The following LSAMP variants were observed in gnomAD, a reference collection of about 807,000 sequenced individuals.
LSAMP encodes the protein limbic system associated membrane protein.
In LSAMP, 7 loss-of-function variants were observed where a neutral mutation model predicts 38.6. The ratio of observed to expected loss-of-function variants is 0.18; its 90% CI spans 0.10 to 0.34. The LOEUF (loss-of-function observed/expected upper bound fraction) is 0.34, where lower values mean the gene tolerates loss of function less well. Among genes scored for constraint, LSAMP ranks in the 10% least tolerant of loss-of-function variants. The probability of loss-of-function intolerance (pLI) is 1.00; values close to 1 mark genes in which losing one functional copy is unlikely to be tolerated. For missense variants in LSAMP, 313 were observed against 420.0 expected (o/e 0.75, Z 2.23); for synonymous variants, 154 against 166.8 (o/e 0.92, Z 0.59).
intron 2 of LSAMP, among the ~76,000 whole-genome samples, chr3:116,061,476 G>A (rs950058108): frequency 1.3e-5 from 2 of 152,032 alleles, no homozygotes; most frequent in Non-Finnish European, 2.9e-5. Flanking sequence ...GGCATGGTAG[G>A]TGGTGGTGGT....
chr3:115,935,287 A>G (rs370774329), intron 3 of LSAMP, among the ~76,000 whole-genome samples: 75 of 152,292 alleles, frequency 4.9e-4, no homozygotes, highest in African/African-American at 1.6e-3. Context: ...CCTGAGGATG[A>G]TGAATGAACT....
intron 1 of LSAMP, among the ~76,000 whole-genome samples, chr3:116,213,183 C>T (rs938316966): frequency 6.6e-6 from 1 of 152,054 alleles, no homozygotes; most frequent in East Asian, 1.9e-4. Context: ...GCAGCTTTAT[C>T]ATTTTGAGTT....
At chr3:115,951,666 C>T (rs974580167) in intron 3 of LSAMP, among the ~76,000 whole-genome samples, 1 of 152,140 alleles carries the variant, frequency 6.6e-6, no homozygotes, top group African/African-American at 2.4e-5. Flanking sequence ...AAAGACTAGA[C>T]TGGTTTAGTC....
intron 3 of LSAMP, among the ~76,000 whole-genome samples, chr3:115,869,893 G>T (rs1935978108): frequency 6.6e-6 from 1 of 151,932 alleles, no homozygotes; most frequent in Admixed American, 6.6e-5. Context: ...TGAGATTGTT[G>T]TTTATTTTTT....
chr3:116,294,887 C>A (rs2047310066), intron 1 of LSAMP, among the ~76,000 whole-genome samples: 1 of 152,162 alleles, frequency 6.6e-6, no homozygotes, highest in African/African-American at 2.4e-5. Flanking sequence ...ACCAACTGAA[C>A]TTACAGCATT....
At chr3:116,152,740 T>C (rs1322966881) in intron 1 of LSAMP, among the ~76,000 whole-genome samples, 1 of 151,962 alleles carries the variant, frequency 6.6e-6, no homozygotes. Flanking sequence ...GTATAAGAAA[T>C]CCAAAGCTCA....
At chr3:115,930,080 C>G (rs1937558050) in intron 3 of LSAMP, among the ~76,000 whole-genome samples, 1 of 117,316 alleles carries the variant, frequency 8.5e-6, no homozygotes, top group Non-Finnish European at 1.6e-5. Flanking sequence ...GAGAATTAGA[C>G]TGGGGAAAGG....
At chr3:116,427,246 G>T (rs1363087301) in intron 1 of LSAMP, among the ~76,000 whole-genome samples, 1 of 149,960 alleles carries the variant, frequency 6.7e-6, no homozygotes, top group African/African-American at 2.4e-5. Flanking sequence ...TCAGCCTCCC[G>T]AGTAGCTGGG....
chr3:116,049,643 C>T (rs1941355649), intron 2 of LSAMP, among the ~76,000 whole-genome samples: 1 of 152,158 alleles, frequency 6.6e-6, no homozygotes, highest in Admixed American at 6.5e-5. Context: ...ATGTATGACG[C>T]TACCCATATG....
At chr3:116,203,491 T>C (rs1356301817) in intron 1 of LSAMP, among the ~76,000 whole-genome samples, 1 of 151,664 alleles carries the variant, frequency 6.6e-6, no homozygotes, top group Non-Finnish European at 1.5e-5. Flanking sequence ...GCTGGTGCGC[T>C]GCACCCACTA....
chr3:116,013,328 A>G (rs1377408984), intron 3 of LSAMP, among the ~76,000 whole-genome samples: 1 of 152,240 alleles, frequency 6.6e-6, no homozygotes, highest in Admixed American at 6.5e-5. Flanking sequence ...GAGGCCAGTA[A>G]TCATGTGGTT....
intron 3 of LSAMP, among the ~76,000 whole-genome samples, chr3:115,957,242 A>C (rs561244609): frequency 6.6e-6 from 1 of 152,354 alleles, no homozygotes; most frequent in Non-Finnish European, 1.5e-5. Context: ...AGCCCCTCTG[A>C]TTATAGATGT....
At chr3:116,337,344 A>C (rs188261744) in intron 1 of LSAMP, among the ~76,000 whole-genome samples, 1 of 152,132 alleles carries the variant, frequency 6.6e-6, no homozygotes, top group Non-Finnish European at 1.5e-5. Flanking sequence ...ACAATAAAAA[A>C]CCTAGGGATA....
chr3:115,893,906 C>T (rs1936664835), intron 3 of LSAMP, among the ~76,000 whole-genome samples: 1 of 151,958 alleles, frequency 6.6e-6, no homozygotes, highest in Non-Finnish European at 1.5e-5. Context: ...AACATGCATA[C>T]TCCGTAGCCA....
At chr3:116,424,578 T>C (rs762867516) in intron 1 of LSAMP, among the ~76,000 whole-genome samples, 4 of 152,166 alleles carry the variant, frequency 2.6e-5, no homozygotes, top group Non-Finnish European at 5.9e-5. Context: ...CAGATAGATA[T>C]GAGGCAGAAA....
At chr3:116,091,831 A>G (rs1046572659) in intron 1 of LSAMP, among the ~76,000 whole-genome samples, 2 of 152,216 alleles carry the variant, frequency 1.3e-5, no homozygotes, top group African/African-American at 4.8e-5. Flanking sequence ...TGCCACGAGG[A>G]GAGGATCAGA....
chr3:116,388,899 A>G (rs1004316045), intron 1 of LSAMP, among the ~76,000 whole-genome samples: 1 of 152,208 alleles, frequency 6.6e-6, no homozygotes, highest in African/African-American at 2.4e-5. Context: ...CAAAAACAAC[A>G]AAAACGACAA....
At chr3:116,044,881 T>C (rs927908570) in intron 2 of LSAMP, among the ~76,000 whole-genome samples, 3 of 152,034 alleles carry the variant, frequency 2.0e-5, no homozygotes, top group African/African-American at 7.3e-5. Flanking sequence ...CCTCCAGCAG[T>C]GGAAGATGCC....
intron 3 of LSAMP, among the ~76,000 whole-genome samples, chr3:115,964,604 A>G (rs1242349477): frequency 6.6e-6 from 1 of 152,156 alleles, no homozygotes; most frequent in Non-Finnish European, 1.5e-5. Flanking sequence ...GAAACAAAAC[A>G]TTCATTATGC....
Sources: gnomAD v4.1 joint callset for allele counts (sites outside exome capture counted in the v4.1 genomes callset) on GRCh38, gnomAD v4.1.1 for gene constraint, MANE v1.5 for transcripts, NCBI Gene and HGNC (gene_info 2026-07-23, HGNC 2026-07-21) for gene names.